Variants in SREK1IP1 observed in about 807,000 individuals in gnomAD.
SREK1IP1 encodes the protein protein SREK1IP1.
A neutral mutation model predicts 22.8 loss-of-function variants in SREK1IP1; 12 were observed. The observed-to-expected ratio is 0.53, with a 90% CI of 0.34 to 0.85. The LOEUF (loss-of-function observed/expected upper bound fraction) is 0.85, where lower values mean the gene tolerates loss of function less well. SREK1IP1 is among the 40% of genes least tolerant of loss of function. SREK1IP1 has a pLI of 0.02. For synonymous variants in SREK1IP1, 53 were observed against 52.7 expected (o/e 1.01, Z -0.02); for missense variants, 147 against 171.8 (o/e 0.86, Z 0.81).
At chr5:64,725,849 T>G (rs12152999) in intron 4 of SREK1IP1, among the ~76,000 whole-genome samples, 25,250 of 148,678 alleles carry the variant, frequency 0.17, 2,486 homozygotes, top group Non-Finnish European at 0.23. Flanking sequence ...AAGTTTTTTT[T>G]TTTGTTTGTT....
At chr5:64,740,450 C>G (rs1742533888) in intron 3 of SREK1IP1, among the ~76,000 whole-genome samples, 1 of 152,056 alleles carries the variant, frequency 6.6e-6, no homozygotes, top group Non-Finnish European at 1.5e-5. Context: ...ATGACCAAAT[C>G]AACTTTCTTT....
In SREK1IP1 at chr5:64,728,097, C is replaced by A. The variant is rs10471638; in HGVS notation, c.278+10G>T. The A allele has an allele frequency of 0.31, 397,266 of 1,287,644 alleles. 75,905 individuals are homozygous for A. The highest frequency in any genetic ancestry group is 0.78 in the African/African-American group (48,371 of 61,792). 79.8% of individuals were successfully genotyped at this position (1,287,644 alleles called of 1,614,324 possible). On this transcript the variant is annotated intron_variant, in intron 4 of 4. Coordinates refer to ENST00000513458, the MANE Select transcript of SREK1IP1 (RefSeq NM_173829.4). ...CTGCTTTGTTTTTTAAAATGTTGTTCAAAAAATACCTTTTCCTTTTTTTTT... is the reference window on the plus strand; with the variant it reads ...CTGCTTTGTTTTTTAAAATGTTGTTAAAAAAATACCTTTTCCTTTTTTTTT...
chr5:64,718,835 A>T lies in SREK1IP1; in HGVS notation c.*5549T>A, dbSNP rs960242369. 8 of 152,232 alleles carry T rather than the reference A, an allele frequency of 5.3e-5. No individual in the cohort carries two copies. Among genetic ancestry groups the T allele is most frequent in the African/African-American group, 1.9e-4 (8 of 41,478 alleles). The allele number at this position is 152,232 out of a possible 1,614,324, so 9.4% of individuals were successfully genotyped here. A position where few individuals can be genotyped will look rare whatever the true frequency, so the allele number is the denominator to read the frequency against. ...ATTATTTTAAGCAGCTCTACTGAGC[A>T]TATCTACTATGTCCTGTAGTTTTTG... On this transcript the variant is annotated 3_prime_UTR_variant, in exon 5 of 5. Transcript: ENST00000513458.
At chr5:64,751,023 C>T (rs1450268538) in intron 2 of SREK1IP1, among the ~76,000 whole-genome samples, 1 of 151,156 alleles carries the variant, frequency 6.6e-6, no homozygotes, top group Non-Finnish European at 1.5e-5. Context: ...TTCTCTATTT[C>T]ATCCCCCACC....
At chr5:64,745,237 T>C (rs275821) in intron 2 of SREK1IP1, among the ~76,000 whole-genome samples, 25,496 of 152,158 alleles carry the variant, frequency 0.17, 2,598 homozygotes, top group Non-Finnish European at 0.23. Context: ...CATTGTTACA[T>C]GTTTGGAGCA....
intron 2 of SREK1IP1, 93 bp downstream of exon 2, chr5:64,754,222 G>GC: frequency 8.5e-7 from 1 of 1,171,688 alleles, no homozygotes; most frequent in Non-Finnish European, 1.3e-6. Flanking sequence ...ATGCAACTGG[G>GC]CCCCTGAAAT....
At chr5:64,746,182 T>C (rs954994323) in intron 2 of SREK1IP1, among the ~76,000 whole-genome samples, 3 of 152,162 alleles carry the variant, frequency 2.0e-5, no homozygotes, top group Non-Finnish European at 4.4e-5. Context: ...AAGAATGTAG[T>C]TGGACCCCTC....
chr5:64,763,547 A>C (rs569253332), intron 1 of SREK1IP1, among the ~76,000 whole-genome samples: 52 of 151,020 alleles, frequency 3.4e-4, no homozygotes, highest in Middle Eastern at 6.8e-3. Flanking sequence ...CCCCTCCCCC[A>C]AAAAAAGAAA....
intron 1 of SREK1IP1, among the ~76,000 whole-genome samples, chr5:64,755,852 T>C (rs1742829448): frequency 6.6e-6 from 1 of 151,908 alleles, no homozygotes; most frequent in African/African-American, 2.4e-5. Context: ...TGTATATATA[T>C]ACACACACAT....
At chr5:64,738,634 C>T (rs902103270) in intron 3 of SREK1IP1, among the ~76,000 whole-genome samples, 1 of 152,052 alleles carries the variant, frequency 6.6e-6, no homozygotes, top group African/African-American at 2.4e-5. Flanking sequence ...TAAAGACAGA[C>T]ACATAGACCA....
At chr5:64,753,807 T>C (rs1742788458) in intron 2 of SREK1IP1, among the ~76,000 whole-genome samples, 1 of 152,208 alleles carries the variant, frequency 6.6e-6, no homozygotes, top group Admixed American at 6.5e-5. Flanking sequence ...TTTATATTTA[T>C]AATTACACAT....
intron 3 of SREK1IP1, among the ~76,000 whole-genome samples, chr5:64,732,047 C>T (rs1478915394): frequency 6.6e-6 from 1 of 152,168 alleles, no homozygotes; most frequent in Non-Finnish European, 1.5e-5. Flanking sequence ...AGAAATTGTA[C>T]AAATCAGTGC....
At chr5:64,739,986 T>C (rs1190032137) in intron 3 of SREK1IP1, among the ~76,000 whole-genome samples, 1 of 152,158 alleles carries the variant, frequency 6.6e-6, no homozygotes, top group Non-Finnish European at 1.5e-5. Flanking sequence ...ATTCCTTGTC[T>C]AAGATTATAT....
chr5:64,761,996 C>G (rs1742960038), intron 1 of SREK1IP1, among the ~76,000 whole-genome samples: 1 of 152,198 alleles, frequency 6.6e-6, no homozygotes, highest in Non-Finnish European at 1.5e-5. Context: ...GGCGAGTCCT[C>G]AACACTTGCT....
intron 3 of SREK1IP1, among the ~76,000 whole-genome samples, chr5:64,729,388 T>G (rs1250617465): frequency 2.0e-5 from 3 of 152,122 alleles, no homozygotes; most frequent in Non-Finnish European, 2.9e-5. Context: ...AAAAAGAGTT[T>G]GGTGCGTTCT....
At chr5:64,756,364 C>T (rs1309964499) in intron 1 of SREK1IP1, among the ~76,000 whole-genome samples, 1 of 152,150 alleles carries the variant, frequency 6.6e-6, no homozygotes, top group African/African-American at 2.4e-5. Context: ...TACTTTCTGT[C>T]TCTATGAGTT....
At position 64,768,596 on chromosome 5, in the gene SREK1IP1, C is replaced by T. The variant is rs1743112648; in HGVS notation, c.-79G>A. On this transcript the variant is annotated 5_prime_UTR_variant, in exon 1 of 5. The change creates a new upstream start codon in the 5' untranslated region. Transcript: ENST00000513458. ...TCCCGCCAGCTGTGAGAACAAGGCA[C>T]AGTCAAAGCGGCGTTTTCCTTCCCC... 6.2e-7 allele frequency: 1 copy of T among 1,607,040 alleles called. No homozygotes were observed.
At chr5:64,742,587 G>A (rs1742569479) in intron 2 of SREK1IP1, among the ~76,000 whole-genome samples, 1 of 152,146 alleles carries the variant, frequency 6.6e-6, no homozygotes, top group African/African-American at 2.4e-5. Flanking sequence ...TGTGGGTGAA[G>A]TCCTTTGGGA....
chr5:64,767,220 A>AGGAGC (rs1743050775), intron 1 of SREK1IP1, among the ~76,000 whole-genome samples: 1 of 152,018 alleles, frequency 6.6e-6, no homozygotes, highest in Non-Finnish European at 1.5e-5. Flanking sequence ...ATCTCCTCCT[A>AGGAGC]AGTGCTACCT....
Sources: allele counts gnomAD v4.1 joint callset (sites outside exome capture counted in the v4.1 genomes callset), GRCh38; gene constraint gnomAD v4.1.1; transcripts MANE v1.5; gene names NCBI Gene and HGNC (gene_info 2026-07-23, HGNC 2026-07-21).